Variants in ABTB3 observed in about 807,000 individuals in gnomAD.
ABTB3 encodes the protein ankyrin repeat- and BTB/POZ domain-containing protein 3.
the ABTB3 span, chr12:107,581,046 T>G: frequency 1.9e-6 from 3 of 1,547,608 alleles, no homozygotes; most frequent in African/African-American, 1.4e-5. Context: ...GGCTGGGGAG[T>G]CGGGAGATGG....
the ABTB3 span, among the ~76,000 whole-genome samples, chr12:107,502,181 C>A: frequency 3.3e-5 from 5 of 151,928 alleles, no homozygotes; most frequent in South Asian, 1.0e-3. Context: ...TCTTGTGCCT[C>A]GGACTCTGGA....
the ABTB3 span, among the ~76,000 whole-genome samples, chr12:107,456,361 C>T: frequency 5.3e-5 from 8 of 152,228 alleles, no homozygotes; most frequent in African/African-American, 1.9e-4. Context: ...TATTTATAGT[C>T]GTTTCCCGTT....
At chr12:107,324,741 A>C in the ABTB3 span, among the ~76,000 whole-genome samples, 1 of 132,502 alleles carries the variant, frequency 7.5e-6, no homozygotes, top group Admixed American at 8.5e-5. Flanking sequence ...AAGACACACC[A>C]AAAAAAAAGC....
the ABTB3 span, among the ~76,000 whole-genome samples, chr12:107,523,983 C>A: frequency 1.3e-5 from 2 of 152,210 alleles, no homozygotes; most frequent in African/African-American, 4.8e-5. Flanking sequence ...GCCTCCAGCA[C>A]CTGGACTGGG....
At chr12:107,334,498 A>C in the ABTB3 span, among the ~76,000 whole-genome samples, 1 of 152,204 alleles carries the variant, frequency 6.6e-6, no homozygotes, top group African/African-American at 2.4e-5. Flanking sequence ...ATACCGTGGA[A>C]AGAGCAGGTT....
chr12:107,634,687 C>T, the ABTB3 span: 1 of 152,076 alleles, frequency 6.6e-6, no homozygotes. Context: ...CGCGTGTGTC[C>T]CCAGCACTGA....
chr12:107,442,513 G>T, the ABTB3 span, among the ~76,000 whole-genome samples: 1 of 152,188 alleles, frequency 6.6e-6, no homozygotes, highest in African/African-American at 2.4e-5. Flanking sequence ...ACATCGGATG[G>T]CTTTTCCTCA....
the ABTB3 span, among the ~76,000 whole-genome samples, chr12:107,566,198 T>C: frequency 1.3e-5 from 2 of 152,296 alleles, no homozygotes; most frequent in South Asian, 4.1e-4. Context: ...CTTCTAGAGA[T>C]TTCTCTTTTC....
At chr12:107,469,638 C>A in the ABTB3 span, among the ~76,000 whole-genome samples, 1 of 152,118 alleles carries the variant, frequency 6.6e-6, no homozygotes, top group Non-Finnish European at 1.5e-5. Context: ...GAGGTTCCCC[C>A]AGCAGCAGGC....
chr12:107,581,273 C>T, the ABTB3 span: 9 of 1,496,564 alleles, frequency 6.0e-6, 1 homozygote, highest in Admixed American at 1.7e-4. Context: ...GCTGCTGCTG[C>T]CCGGCGTGGA....
At chr12:107,479,208 T>G in the ABTB3 span, among the ~76,000 whole-genome samples, 1 of 152,120 alleles carries the variant, frequency 6.6e-6, no homozygotes, top group South Asian at 2.1e-4. Context: ...CAGCCATGCA[T>G]AAAGGCACAT....
At chr12:107,487,405 G>T in the ABTB3 span, among the ~76,000 whole-genome samples, 1 of 152,148 alleles carries the variant, frequency 6.6e-6, no homozygotes, top group Non-Finnish European at 1.5e-5. Flanking sequence ...TGTATTGGCT[G>T]CTGAGACACA....
the ABTB3 span, among the ~76,000 whole-genome samples, chr12:107,530,969 C>T: frequency 2.9e-4 from 44 of 152,236 alleles, 1 homozygote; most frequent in Non-Finnish European, 2.9e-4. Flanking sequence ...CATTGGGCTG[C>T]CTTTGAAAGA....
chr12:107,569,089 T>G, the ABTB3 span, among the ~76,000 whole-genome samples: 1 of 152,142 alleles, frequency 6.6e-6, no homozygotes, highest in South Asian at 2.1e-4. Context: ...TATCATCTTC[T>G]CAAAGCCACC....
the ABTB3 span, among the ~76,000 whole-genome samples, chr12:107,438,768 A>G: frequency 1.3e-5 from 2 of 152,194 alleles, no homozygotes; most frequent in Non-Finnish European, 2.9e-5. Context: ...AGGACGCGTT[A>G]GCACCAAATC....
the ABTB3 span, among the ~76,000 whole-genome samples, chr12:107,541,102 C>A: frequency 2.0e-5 from 3 of 152,164 alleles, no homozygotes; most frequent in Admixed American, 2.0e-4. Context: ...CATAATCAAC[C>A]CCCCTAAAGC....
the ABTB3 span, chr12:107,618,119 ATC>A: frequency 6.3e-7 from 1 of 1,593,570 alleles, no homozygotes; most frequent in Non-Finnish European, 8.6e-7. Context: ...ATCCACTTCC[ATC>A]TCTGAGTGTC....
the ABTB3 span, among the ~76,000 whole-genome samples, chr12:107,380,422 G>A: frequency 1.4e-4 from 21 of 152,286 alleles, no homozygotes; most frequent in Non-Finnish European, 1.5e-4. Flanking sequence ...ACTTGGCTGC[G>A]TGTCCCAACA....
the ABTB3 span, among the ~76,000 whole-genome samples, chr12:107,558,515 C>A: frequency 8.2e-3 from 1,252 of 152,192 alleles, 13 homozygotes; most frequent in South Asian, 0.017. Context: ...GTCATGGGGG[C>A]CTTTGATCCT....
Sources: allele counts gnomAD v4.1 joint callset (sites outside exome capture counted in the v4.1 genomes callset), GRCh38; gene constraint gnomAD v4.1.1; transcripts MANE v1.5; gene names NCBI Gene and HGNC (gene_info 2026-07-23, HGNC 2026-07-21).